The following PLEKHA5 variants were observed in gnomAD, a reference collection of about 807,000 sequenced individuals.
PLEKHA5 encodes pleckstrin homology domain-containing family A member 5.
A neutral mutation model predicts 181.9 loss-of-function variants in PLEKHA5; 55 were observed. The ratio of observed to expected loss-of-function variants is 0.30; its 90% confidence interval spans 0.24 to 0.38. The LOEUF (loss-of-function observed/expected upper bound fraction) is 0.38. Ranked by LOEUF, PLEKHA5 falls within the 10% of genes least tolerant of loss-of-function variation. PLEKHA5 has a pLI of 1.00. For synonymous variants in PLEKHA5, 535 were observed against 529.4 expected (o/e 1.01, Z -0.15); for missense variants, 1,432 against 1,549.5 (o/e 0.92, Z 1.27).
chr12:19,364,626 T>C (rs1228824485), intron 29 of PLEKHA5, among the ~76,000 whole-genome samples: 1 of 152,102 alleles, frequency 6.6e-6, no homozygotes, highest in Non-Finnish European at 1.5e-5. Flanking sequence ...AGGATCTTTA[T>C]ATGAATGGGT....
intron 20 of PLEKHA5, among the ~76,000 whole-genome samples, chr12:19,323,016 A>AATTT (rs2091260909): frequency 2.2e-5 from 2 of 92,766 alleles, no homozygotes; most frequent in Non-Finnish European, 4.1e-5. Context: ...ACCTGGCTAG[A>AATTT]TTTTTTTTTT....
At chr12:19,362,522 A>C (rs955654711) in intron 29 of PLEKHA5, among the ~76,000 whole-genome samples, 1 of 152,104 alleles carries the variant, frequency 6.6e-6, no homozygotes, top group Non-Finnish European at 1.5e-5. Flanking sequence ...CGTCAGAGTG[A>C]GACTCCATCT....
Position 19,200,547 on chromosome 12 carries a change from C to T in PLEKHA5, c.228-53393C>T, listed in dbSNP as rs557337064. 2,191 of 1,304,508 alleles carry T rather than the reference C, an allele frequency of 1.7e-3. 2 individuals are homozygous for T. Among genetic ancestry groups the T allele is most frequent in the Admixed American group, 4.8e-3 (143 of 29,524 alleles). 80.8% of individuals were successfully genotyped at this position (1,304,508 alleles called of 1,614,324 possible). A position where few individuals can be genotyped will look rare whatever the true frequency, so the allele number is the denominator to read the frequency against. On this transcript the variant is annotated intron_variant, in intron 3 of 31. Transcript: ENST00000429027. ...TCACCTCAGAATGCTTGTCTCACTCCTCTTTTCCTCATTCCTAGTAGATCA... is the reference window on the plus strand; with the variant it reads ...TCACCTCAGAATGCTTGTCTCACTCTTCTTTTCCTCATTCCTAGTAGATCA...
intron 3 of PLEKHA5, 80 bp downstream of exon 3, chr12:19,132,530 G>C: frequency 1.4e-6 from 1 of 730,946 alleles, no homozygotes; most frequent in East Asian, 2.7e-5. Flanking sequence ...TGTATGTCCA[G>C]TCTTGATCAT....
intron 20 of PLEKHA5, among the ~76,000 whole-genome samples, chr12:19,333,513 C>T (rs921173928): frequency 4.0e-5 from 6 of 151,622 alleles, no homozygotes; most frequent in Non-Finnish European, 5.9e-5. Flanking sequence ...CACTTGAACC[C>T]GGGAGGCAGA....
At chr12:19,337,630 A>G (rs2093552282) in intron 21 of PLEKHA5, among the ~76,000 whole-genome samples, 1 of 152,096 alleles carries the variant, frequency 6.6e-6, no homozygotes, top group Non-Finnish European at 1.5e-5. Flanking sequence ...CATGTTTAAG[A>G]AAATAATAAA....
intron 3 of PLEKHA5, among the ~76,000 whole-genome samples, chr12:19,223,762 G>A (rs1299705762): frequency 6.6e-6 from 1 of 152,120 alleles, no homozygotes; most frequent in Non-Finnish European, 1.5e-5. Flanking sequence ...TATTCTGGCA[G>A]AGGGATCAGC....
At chr12:19,153,444 G>C (rs1249091220) in intron 3 of PLEKHA5, 2 of 152,072 alleles carry the variant, frequency 1.3e-5, no homozygotes, top group Non-Finnish European at 2.9e-5. Context: ...AATAAAGTTT[G>C]TATTTTTTAG....
intron 14 of PLEKHA5, 95 bp from the exon 15 acceptor site, chr12:19,291,549 A>T: frequency 1.4e-6 from 1 of 692,230 alleles, no homozygotes; most frequent in South Asian, 1.7e-5. Flanking sequence ...AATAGGTTGT[A>T]GTAAATTACC....
chr12:19,212,462 C>T (rs1272405373), intron 3 of PLEKHA5, among the ~76,000 whole-genome samples: 2 of 152,144 alleles, frequency 1.3e-5, no homozygotes, highest in African/African-American at 4.8e-5. Context: ...GGGCTGATCA[C>T]CTGAGGCCAG....
chr12:19,285,663 C>T (rs2077065235), intron 12 of PLEKHA5, among the ~76,000 whole-genome samples: 1 of 152,198 alleles, frequency 6.6e-6, no homozygotes, highest in South Asian at 2.1e-4. Context: ...TGGATCCAGA[C>T]TATGCTAGTG....
intron 8 of PLEKHA5, among the ~76,000 whole-genome samples, chr12:19,267,304 C>T (rs148223317): frequency 0.01 from 1,584 of 152,132 alleles, 20 homozygotes; most frequent in Non-Finnish European, 0.014. Context: ...TTTTAAATTC[C>T]CACCACTTGT....
rs566254796 is a variant in PLEKHA5, at chr12:19,147,841, A to G, written c.227+15391A>G. On this transcript the variant is annotated intron_variant, in intron 3 of 31. Transcript: ENST00000429027. ...AGCTTTGAATTCCTGGCTTCAAGTG[A>G]TCCTTCTGCCTCAGCCTCCCGAGTA... 5.3e-4 allele frequency among the ~76,000 whole-genome samples: 80 copies of G among 152,042 alleles called. No homozygotes were observed. In the South Asian group the frequency reaches 9.8e-3, roughly 19 times the overall value.
intron 3 of PLEKHA5, chr12:19,207,243 A>G (rs2055781646): frequency 6.6e-6 from 1 of 152,120 alleles, no homozygotes; most frequent in African/African-American, 2.4e-5. Flanking sequence ...ACTATTTTAT[A>G]CTATTTTCTC....
chr12:19,135,496 G>A (rs184964108), intron 3 of PLEKHA5, among the ~76,000 whole-genome samples: 2 of 152,222 alleles, frequency 1.3e-5, no homozygotes, highest in East Asian at 1.9e-4. Flanking sequence ...GATGATGCGG[G>A]AAATATGGAA....
intron 3 of PLEKHA5, among the ~76,000 whole-genome samples, chr12:19,226,773 C>T (rs1305807116): frequency 6.6e-6 from 1 of 152,124 alleles, no homozygotes; most frequent in Admixed American, 6.5e-5. Flanking sequence ...TTTTTAAGAA[C>T]AGTGTTTAAG....
At chr12:19,250,666 T>C (rs542494186) in intron 3 of PLEKHA5, among the ~76,000 whole-genome samples, 41 of 152,176 alleles carry the variant, frequency 2.7e-4, no homozygotes, top group South Asian at 6.2e-4. Flanking sequence ...AATACAAATT[T>C]TTTAAATACT....
At chr12:19,222,861 G>C (rs749475112) in intron 3 of PLEKHA5, among the ~76,000 whole-genome samples, 66 of 152,064 alleles carry the variant, frequency 4.3e-4, no homozygotes, top group Non-Finnish European at 9.0e-4. Flanking sequence ...CACACTTCGG[G>C]GGGTAGCTGC....
At chr12:19,299,731 A>G (rs566487146) in intron 15 of PLEKHA5, among the ~76,000 whole-genome samples, 3 of 152,264 alleles carry the variant, frequency 2.0e-5, no homozygotes, top group Non-Finnish European at 4.4e-5. Flanking sequence ...AGGAGCTTGT[A>G]AGCCCTCGGT....
Sources: allele counts gnomAD v4.1 joint callset (sites outside exome capture counted in the v4.1 genomes callset), GRCh38; gene constraint gnomAD v4.1.1; transcripts MANE v1.5; gene names NCBI Gene and HGNC (gene_info 2026-07-23, HGNC 2026-07-21).